LONP2: variants seen among roughly 807,000 people sequenced by gnomAD.
The protein encoded by LONP2 is lon peptidase 2, peroxisomal, also known as lon protease homolog 2, peroxisomal.
In LONP2, 60 loss-of-function variants were observed where a neutral mutation model predicts 85.6. The observed-to-expected ratio is 0.70, with a 90% confidence interval of 0.57 to 0.87. The LOEUF (loss-of-function observed/expected upper bound fraction) is 0.87. LONP2 is among the 40% of genes least tolerant of loss of function. The pLI is 0.00. For missense variants in LONP2, 860 were observed against 1,063.5 expected, an observed-to-expected ratio of 0.81 and a Z score of 2.66; for synonymous variants, 395 against 389.7, an observed-to-expected ratio of 1.01 and a Z score of -0.16.
At chr16:48,291,723 A>C (rs1246888445) in intron 8 of LONP2, among the ~76,000 whole-genome samples, 1 of 152,228 alleles carries the variant, frequency 6.6e-6, no homozygotes, top group Non-Finnish European at 1.5e-5. Context: ...GAGGTTTGAT[A>C]GCTACAAAGC....
At chr16:48,252,603 A>G (rs1971678172) in intron 2 of LONP2, among the ~76,000 whole-genome samples, 1 of 152,170 alleles carries the variant, frequency 6.6e-6, no homozygotes, top group African/African-American at 2.4e-5. Context: ...TTTCCTTCTA[A>G]CTTCTACTGT....
At chr16:48,337,575 G>C (rs1307094616) in intron 12 of LONP2, among the ~76,000 whole-genome samples, 3 of 152,036 alleles carry the variant, frequency 2.0e-5, no homozygotes, top group African/African-American at 4.8e-5. Flanking sequence ...TCCAAACCTA[G>C]TGCTGTTTAT....
chr16:48,311,850 G>A (rs117843749), intron 11 of LONP2, among the ~76,000 whole-genome samples: 2 of 152,136 alleles, frequency 1.3e-5, no homozygotes, highest in South Asian at 2.1e-4. Context: ...TTGAACTCCT[G>A]GCCTTAAGTG....
At chr16:48,247,471 T>A (rs1971473827) in intron 1 of LONP2, 1 of 152,264 alleles carries the variant, frequency 6.6e-6, no homozygotes, top group Non-Finnish European at 1.5e-5. Context: ...CAGGATTAGA[T>A]GTTGACTTAC....
chr16:48,306,359 T>C (rs61122640), intron 11 of LONP2, among the ~76,000 whole-genome samples: 31,464 of 152,136 alleles, frequency 0.21, 4,032 homozygotes, highest in African/African-American at 0.36. Flanking sequence ...ATTATACTAG[T>C]TATTTTAAAA....
chr16:48,308,426 A>G (rs1371907266), intron 11 of LONP2, among the ~76,000 whole-genome samples: 1 of 152,142 alleles, frequency 6.6e-6, no homozygotes, highest in East Asian at 1.9e-4. Context: ...CAGGAGTCTG[A>G]GACCAACCTG....
chr16:48,359,945 A>G (rs1432341865), downstream of LONP2, among the ~76,000 whole-genome samples: 4 of 152,206 alleles, frequency 2.6e-5, no homozygotes, highest in East Asian at 7.7e-4. Context: ...TCAGAAGGCA[A>G]TTTCAGAATC....
At chr16:48,301,155 A>G (rs767886403) in intron 10 of LONP2, among the ~76,000 whole-genome samples, 31 of 152,314 alleles carry the variant, frequency 2.0e-4, no homozygotes, top group Non-Finnish European at 4.3e-4. Flanking sequence ...CTTAGGACAT[A>G]GAGTATCAAT....
chr16:48,254,026 C>T (rs1971705740), intron 2 of LONP2, among the ~76,000 whole-genome samples: 2 of 152,140 alleles, frequency 1.3e-5, no homozygotes, highest in Non-Finnish European at 2.9e-5. Flanking sequence ...TCTACTTCTG[C>T]ATCTCTTCAA....
chr16:48,252,462 A>G (rs987755896), intron 2 of LONP2, 97 bp downstream of exon 2: 7 of 701,362 alleles, frequency 1.0e-5, no homozygotes, highest in Non-Finnish European at 1.6e-5. Context: ...GTTTTAGGAC[A>G]GTATACATTT....
At chr16:48,260,796 A>T (rs751325055) in intron 4 of LONP2, among the ~76,000 whole-genome samples, 2 of 152,224 alleles carry the variant, frequency 1.3e-5, no homozygotes, top group Non-Finnish European at 2.9e-5. Context: ...TTTTGGCAGG[A>T]TGGGAACAGA....
Position 48,347,529 on chromosome 16 carries a change from CAGG to C in LONP2, c.1964_1966del (p.Gly655del). On this transcript the variant is annotated inframe_deletion, in exon 13 of 15. Transcript: ENST00000285737. ...AAGGTATCTCAGCGTTTGAGTCAGC[CAGG>C]AGTAGCAATAGGTTTGGCTTGGACT... 6.2e-7 allele frequency: 1 copy of C among 1,614,178 alleles called. No individual in the cohort carries two copies. The highest frequency in any genetic ancestry group is 8.5e-7 in the Non-Finnish European group (1 of 1,180,032).
intron 11 of LONP2, among the ~76,000 whole-genome samples, chr16:48,305,286 G>A (rs894566616): frequency 2.6e-5 from 4 of 151,994 alleles, no homozygotes; most frequent in African/African-American, 7.3e-5. Flanking sequence ...ATGGAGTCTC[G>A]CTCTGTCGTC....
rs1960224978 is a variant in LONP2 at position 48,353,543 on chromosome 16, A to AT, written c.*1742dup. On this transcript the variant is annotated 3_prime_UTR_variant, in exon 15 of 15. Coordinates refer to ENST00000285737, the MANE Select transcript of LONP2 (RefSeq NM_031490.5). ...GATTGGGCCAAAATACTGTGATAAA[A>AT]TAGCAGGCCTGCTGATAAAAGTTTA... The AT allele has an allele frequency of 6.6e-6, 1 of 152,654 alleles. No individual in the cohort carries two copies. Among genetic ancestry groups the AT allele is most frequent in the African/African-American group, 2.4e-5 (1 of 41,378 alleles). 9.5% of individuals were successfully genotyped at this position (152,654 alleles called of 1,614,324 possible).
intron 11 of LONP2, among the ~76,000 whole-genome samples, chr16:48,327,308 A>G (rs994877506): frequency 1.4e-4 from 21 of 152,228 alleles, no homozygotes; most frequent in Non-Finnish European, 5.9e-5. Context: ...AGAAAACACT[A>G]GCCCCCTCCC....
chr16:48,328,944 G>C (rs1020405656), intron 11 of LONP2, among the ~76,000 whole-genome samples: 1 of 152,162 alleles, frequency 6.6e-6, no homozygotes, highest in Non-Finnish European at 1.5e-5. Flanking sequence ...GCAGCTCTCT[G>C]AGAGTACTGT....
rs2150995918 is a variant in LONP2 at position 48,296,165 on chromosome 16, G to A, written c.1534G>A (p.Gly512Ser). Residue 512 changes from glycine to serine, a missense_variant and splice_region_variant, in exon 9 of 15, where the codon GGT (glycine) becomes AGT (serine). Around this residue, in one of 3 missense-constraint regions of LONP2, gnomAD observed 743 missense variants for 917.3 expected, o/e 0.81. Transcript: ENST00000285737. ...LDRMEIIQVPGYTQEEKIEIA... is the reference protein window; with the variant it reads ...LDRMEIIQVPSYTQEEKIEIA... Reference sequence around the variant, plus strand: ...CAGAATGGAGATCATTCAGGTTCCAGGTACCTGACTCTTAAATCATTATGA... The same window carrying A: ...CAGAATGGAGATCATTCAGGTTCCAAGTACCTGACTCTTAAATCATTATGA... 3.1e-6 allele frequency: 5 copies of A among 1,613,816 alleles called. No homozygotes were observed. Among genetic ancestry groups the A allele is most frequent in the Non-Finnish European group, 4.2e-6 (5 of 1,179,938 alleles).
chr16:48,316,077 G>A (rs780054279), intron 11 of LONP2, among the ~76,000 whole-genome samples: 10 of 148,624 alleles, frequency 6.7e-5, no homozygotes, highest in Non-Finnish European at 1.5e-4. Flanking sequence ...GCACGATTTT[G>A]GCTTACTGCA....
At chr16:48,332,958 G>A (rs1203840280) in intron 11 of LONP2, among the ~76,000 whole-genome samples, 2 of 152,132 alleles carry the variant, frequency 1.3e-5, no homozygotes, top group Admixed American at 6.5e-5. Flanking sequence ...ATTATTATAT[G>A]TGTGTATTAA....
Sources: gnomAD v4.1 joint callset for allele counts (sites outside exome capture counted in the v4.1 genomes callset) on GRCh38, gnomAD v4.1.1 for gene constraint, gnomAD v4.1.1 regional missense constraint, MANE v1.5 for transcripts, NCBI Gene and HGNC (gene_info 2026-07-23, HGNC 2026-07-21) for gene names.